Variants in ENPP6 observed in about 807,000 individuals in gnomAD.
The protein encoded by ENPP6 is glycerophosphocholine cholinephosphodiesterase ENPP6.
ENPP6 carries 32 observed loss-of-function variants against 42.0 expected under a neutral mutation model. The observed-to-expected ratio is 0.76, with a 90% CI of 0.58 to 1.02. The LOEUF (loss-of-function observed/expected upper bound fraction) is 1.02. Ranked by LOEUF, ENPP6 falls within the 50% of genes least tolerant of loss-of-function variation. ENPP6 has a pLI of 0.00. For missense variants in ENPP6, 552 were observed against 566.8 expected (o/e 0.97, Z 0.27); for synonymous variants, 213 against 216.0 (o/e 0.99, Z 0.12).
At chr4:184,114,082 C>T (rs1736275006) in intron 5 of ENPP6, among the ~76,000 whole-genome samples, 1 of 152,060 alleles carries the variant, frequency 6.6e-6, no homozygotes, top group Non-Finnish European at 1.5e-5. Context: ...TCTCCTGCCT[C>T]AGCCTCCCAA....
At position 184,153,686 on chromosome 4, in the gene ENPP6, G is replaced by A; in HGVS notation, c.289C>T (p.Pro97Ser). 1 of 1,614,100 alleles carries A rather than the reference G, an allele frequency of 6.2e-7. No homozygotes were observed. ...HQMIGNYMWD[P>S]TTNKSFDIGV... ...ATGTCAAAGGACTTGTTGGTGGTGG[G>A]GTCCCACATGTAGTTCCCGATCATC... The change falls in exon 2 of 8, where the codon CCC becomes TCC. Residue 97 changes from proline (P) to serine (S), a missense_variant. Physicochemically the swap from Pro to Ser is moderately conservative, Grantham distance 74. Transcript: ENST00000296741.
At chr4:184,097,176 C>G in intron 7 of ENPP6, 69 bp downstream of exon 7, 1 of 1,597,520 alleles carries the variant, frequency 6.3e-7, no homozygotes. Flanking sequence ...CTCCTGGCAC[C>G]CGTAGCCCCC....
intron 1 of ENPP6, among the ~76,000 whole-genome samples, chr4:184,211,143 C>A (rs972594148): frequency 1.3e-5 from 2 of 150,096 alleles, no homozygotes; most frequent in Non-Finnish European, 3.0e-5. Flanking sequence ...CAGGAAAGAT[C>A]CAAAATTGAC....
At chr4:184,110,786 GTGGGA>G (rs1349858904) in intron 6 of ENPP6, among the ~76,000 whole-genome samples, 1 of 152,184 alleles carries the variant, frequency 6.6e-6, no homozygotes, top group Non-Finnish European at 1.5e-5. Flanking sequence ...TTCTAGTTAT[GTGGGA>G]TAGTAAATCC....
rs570555100 is a variant in ENPP6, at chr4:184,091,574, A to G, written c.1118-192T>C. Among the ~76,000 whole-genome samples, 102 of 152,202 alleles carry G rather than the reference A, an allele frequency of 6.7e-4. No homozygotes were observed. The South Asian group carries it at 0.021, about 31-fold the overall frequency. ...GGAAGGCTGTAGGTTAGAAAGGGAA[A>G]CAGCTTTCTATGGCTCATGGAGATG... is the stretch of plus-strand genomic sequence containing the variant. On this transcript the variant is annotated intron_variant, in intron 7 of 7. Coordinates refer to ENST00000296741, the MANE Select transcript of ENPP6 (RefSeq NM_153343.4).
rs151053271 is a variant in ENPP6 at position 184,157,224 on chromosome 4, C to T, written c.242-3491G>A. Among the ~76,000 whole-genome samples the T allele has an allele frequency of 2.0e-4, 30 of 152,238 alleles. No individual in the cohort carries two copies. The East Asian group carries it at 4.6e-3, about 24-fold the overall frequency. ...TGTTTCTTCTTAGTAGTTTTGCATC[C>T]GCTGACCCCACCATGTTCCTTGTCT... On this transcript the variant is annotated intron_variant, in intron 1 of 7. Transcript: ENST00000296741.
At chr4:184,186,042 GA>G (rs1328989682) in intron 1 of ENPP6, among the ~76,000 whole-genome samples, 1 of 152,180 alleles carries the variant, frequency 6.6e-6, no homozygotes, top group Non-Finnish European at 1.5e-5. Flanking sequence ...TGGTCCAGCA[GA>G]AACAAAAGAG....
chr4:184,191,028 A>G (rs1341500559), intron 1 of ENPP6, among the ~76,000 whole-genome samples: 1 of 152,236 alleles, frequency 6.6e-6, no homozygotes, highest in Non-Finnish European at 1.5e-5. Context: ...GCAGTGGCTC[A>G]TGTACTATGG....
rs113173347 is a variant in ENPP6, at chr4:184,117,965, C to G, written c.534-65G>C. On this transcript the variant is annotated intron_variant, in intron 3 of 7. Transcript: ENST00000296741. ...CCCGCCAGCTTGCTCCCTTATCACC[C>G]CCATAGCACTCTCTGAAGGTGTTCA... 44 of 1,561,952 alleles carry G rather than the reference C, an allele frequency of 2.8e-5. No individual in the cohort carries two copies. The African/African-American group carries it at 5.1e-4, about 18-fold the overall frequency.
At chr4:184,164,086 G>A (rs577639512) in intron 1 of ENPP6, among the ~76,000 whole-genome samples, 32 of 152,326 alleles carry the variant, frequency 2.1e-4, no homozygotes, top group Admixed American at 7.8e-4. Flanking sequence ...GGAGATGGTG[G>A]CTACAGTGGA....
intron 5 of ENPP6, among the ~76,000 whole-genome samples, chr4:184,113,912 T>TTTCTTTCC (rs1458480926): frequency 1.8e-4 from 22 of 123,888 alleles, no homozygotes; most frequent in Non-Finnish European, 3.7e-4. Flanking sequence ...TCTTTCTTTC[T>TTTCTTTCC]TTCTTTCTTT....
intron 2 of ENPP6, among the ~76,000 whole-genome samples, chr4:184,132,862 C>T (rs2111360936): frequency 6.8e-6 from 1 of 147,548 alleles, no homozygotes; most frequent in South Asian, 2.2e-4. Flanking sequence ...TATATAAAAT[C>T]TCCAATTGAT....
intron 6 of ENPP6, among the ~76,000 whole-genome samples, chr4:184,109,494 A>C (rs994818884): frequency 5.9e-5 from 9 of 152,170 alleles, no homozygotes; most frequent in Non-Finnish European, 4.4e-5. Flanking sequence ...GGCGTGATAC[A>C]TGAAGATGAA....
At chr4:184,203,990 C>G (rs1468659399) in intron 1 of ENPP6, 5 of 152,196 alleles carry the variant, frequency 3.3e-5, no homozygotes, top group Non-Finnish European at 5.9e-5. Context: ...GTTCTGGAGG[C>G]TGGGAGTTTG....
At chr4:184,154,230 C>G (rs972540645) in intron 1 of ENPP6, among the ~76,000 whole-genome samples, 1 of 152,134 alleles carries the variant, frequency 6.6e-6, no homozygotes, top group African/African-American at 2.4e-5. Flanking sequence ...ACGTTTGGAA[C>G]AGAATAGCGA....
At chr4:184,113,475 A>G (rs573998452) in intron 5 of ENPP6, among the ~76,000 whole-genome samples, 1 of 152,324 alleles carries the variant, frequency 6.6e-6, no homozygotes, top group Admixed American at 6.5e-5. Flanking sequence ...CCTATTTCTC[A>G]GGTGTTCTGA....
At chr4:184,101,582 C>T (rs376919872) in intron 6 of ENPP6, among the ~76,000 whole-genome samples, 9 of 152,038 alleles carry the variant, frequency 5.9e-5, no homozygotes, top group South Asian at 2.1e-4. Flanking sequence ...GTTTTGCTAG[C>T]GAGGTTTTGC....
At chr4:184,127,806 A>C (rs991505889) in intron 2 of ENPP6, among the ~76,000 whole-genome samples, 9 of 152,360 alleles carry the variant, frequency 5.9e-5, no homozygotes, top group Non-Finnish European at 1.2e-4. Flanking sequence ...CTATTAAGGT[A>C]GTTATGTGAA....
At chr4:184,146,837 C>G (rs996193949) in intron 2 of ENPP6, among the ~76,000 whole-genome samples, 2 of 152,210 alleles carry the variant, frequency 1.3e-5, no homozygotes, top group African/African-American at 4.8e-5. Context: ...CTTCTGAAGC[C>G]TCTCCTCCTT....
Sources: gnomAD v4.1 joint callset for allele counts (sites outside exome capture counted in the v4.1 genomes callset) on GRCh38, gnomAD v4.1.1 for gene constraint, MANE v1.5 for transcripts, NCBI Gene and HGNC (gene_info 2026-07-23, HGNC 2026-07-21) for gene names.